SREBF2: variants seen among roughly 807,000 people sequenced by gnomAD.
SREBF2 encodes sterol regulatory element binding transcription factor 2.
Under a neutral mutation model 113.1 loss-of-function variants are expected in SREBF2, and 55 were observed. The ratio of observed to expected loss-of-function variants is 0.49; its 90% CI spans 0.39 to 0.61. The LOEUF (loss-of-function observed/expected upper bound fraction) is 0.61. SREBF2 is among the 20% of genes least tolerant of loss of function. The pLI, the probability that SREBF2 is intolerant of heterozygous loss-of-function variation, is 0.00. For synonymous variants in SREBF2, 593 were observed against 605.7 expected, an observed-to-expected ratio of 0.98 and a Z score of 0.31; for missense variants, 1,349 against 1,487.4, an observed-to-expected ratio of 0.91 and a Z score of 1.53.
At chr22:41,849,217 G>T (rs962918054) in intron 1 of SREBF2, among the ~76,000 whole-genome samples, 2 of 151,846 alleles carry the variant, frequency 1.3e-5, no homozygotes, top group Non-Finnish European at 2.9e-5. Context: ...TTTGGAGATG[G>T]GGTCTCACTG....
rs2077006364 is a variant in SREBF2, at chr22:41,859,557, T to C, written c.89-7274T>C. On this transcript the variant is annotated intron_variant, in intron 1 of 18. Coordinates refer to ENST00000361204, the MANE Select transcript of SREBF2 (RefSeq NM_004599.4). ...ATTGTTTCTGGATGTATCTGATGCATTTGAACAAATTCACATTTTCAAAGT... is the reference window on the plus strand; with the variant it reads ...ATTGTTTCTGGATGTATCTGATGCACTTGAACAAATTCACATTTTCAAAGT... Among the ~76,000 whole-genome samples, 7 of 152,252 alleles carry C rather than the reference T, an allele frequency of 4.6e-5. No homozygotes were observed. The South Asian group carries it at 1.5e-3, about 32-fold the overall frequency.
intron 1 of SREBF2, among the ~76,000 whole-genome samples, chr22:41,843,083 C>G (rs1032291029): frequency 2.0e-5 from 3 of 152,114 alleles, no homozygotes; most frequent in African/African-American, 7.2e-5. Flanking sequence ...AAGCAGTTGC[C>G]TAATGACACA....
intron 10 of SREBF2, among the ~76,000 whole-genome samples, chr22:41,884,158 CAG>C (rs1281042915): frequency 2.0e-5 from 3 of 151,950 alleles, no homozygotes; most frequent in African/African-American, 7.3e-5. Context: ...TTTTGGGGGA[CAG>C]AGTCTCGCTC....
intron 17 of SREBF2, among the ~76,000 whole-genome samples, chr22:41,903,609 T>C (rs2077482656): frequency 6.6e-6 from 1 of 152,276 alleles, no homozygotes; most frequent in African/African-American, 2.4e-5. Context: ...TGATCTGAAC[T>C]AAGTCACGGA....
In SREBF2 at chr22:41,903,186, A is replaced by AG. The variant is rs1485312218; in HGVS notation, c.3093+32dup. The AG allele has an allele frequency of 5.8e-6, 9 of 1,545,382 alleles. No individual in the cohort carries two copies. In the South Asian group the frequency reaches 9.5e-5, roughly 16 times the overall value. On this transcript the variant is annotated intron_variant, in intron 17 of 18. Coordinates refer to ENST00000361204, the MANE Select transcript of SREBF2 (RefSeq NM_004599.4). ...GCCCAGCTGGCTGGTGGGGCAGGGC[A>AG]GATTGGAGCCTGTGGGGCCTGAGCC...
At chr22:41,879,617 C>T (rs2077227374) in intron 9 of SREBF2, among the ~76,000 whole-genome samples, 5 of 152,210 alleles carry the variant, frequency 3.3e-5, no homozygotes, top group Admixed American at 2.0e-4. Context: ...AAGATAGAGG[C>T]ACCTTAGAGA....
intron 11 of SREBF2, chr22:41,886,133 T>C (rs2077297043): frequency 6.6e-6 from 1 of 152,206 alleles, no homozygotes; most frequent in South Asian, 2.1e-4. Flanking sequence ...GAGCTTGACA[T>C]TGATCTTCTC....
At chr22:41,852,165 G>C (rs959353135) in intron 1 of SREBF2, among the ~76,000 whole-genome samples, 1 of 151,842 alleles carries the variant, frequency 6.6e-6, no homozygotes, top group Non-Finnish European at 1.5e-5. Context: ...GACCTGGCCT[G>C]GGAGTGAAGG....
At chr22:41,894,757 G>T in intron 12 of SREBF2, 63 bp from the exon 13 acceptor site, 4 of 1,442,628 alleles carry the variant, frequency 2.8e-6, no homozygotes, top group East Asian at 2.3e-5. Context: ...GTTTCTCTCC[G>T]TAAAGACAAA....
intron 1 of SREBF2, 64 bp from the exon 2 acceptor site, chr22:41,866,767 T>G: frequency 6.3e-7 from 1 of 1,587,916 alleles, no homozygotes; most frequent in Non-Finnish European, 8.6e-7. Context: ...CTTAGTTTCT[T>G]AAGCAAGTTT....
intron 16 of SREBF2, among the ~76,000 whole-genome samples, chr22:41,901,443 C>A (rs1056579831): frequency 1.3e-5 from 2 of 152,166 alleles, no homozygotes; most frequent in Non-Finnish European, 2.9e-5. Context: ...GGCAGATCAC[C>A]TGAGGTCAGG....
At chr22:41,868,835 G>C (rs368708710) in intron 3 of SREBF2, 43 bp downstream of exon 3, 1 of 1,567,340 alleles carries the variant, frequency 6.4e-7, no homozygotes, top group Non-Finnish European at 8.6e-7. Context: ...GGTTGGGGCT[G>C]TTAACTGGTC....
rs755066563 is a variant in SREBF2 at position 41,870,994 on chromosome 22, G to A, written c.826G>A (p.Ala276Thr). The A allele has an allele frequency of 1.8e-5, 29 of 1,613,792 alleles. No homozygotes were observed. In the Admixed American group the frequency reaches 2.8e-4, roughly 16 times the overall value. ...MAAVQNPALTALTTPIQTAAL... is the reference protein window; with the variant it reads ...MAAVQNPALTTLTTPIQTAAL... ...TGCGGTCCAGAACCCGGCCCTCACC[G>A]CCCTCACCACCCCTATCCAGACGGC... is the stretch of plus-strand genomic sequence containing the variant. The change falls in exon 4 of 19, where the codon GCC becomes ACC. Residue 276 changes from alanine (A) to threonine (T), a missense_variant. By Grantham distance (58) the Ala-to-Thr change is moderately conservative. Transcript: ENST00000361204.
chr22:41,847,938 C>T (rs1483081152), intron 1 of SREBF2, among the ~76,000 whole-genome samples: 5 of 137,942 alleles, frequency 3.6e-5, no homozygotes, highest in African/African-American at 8.3e-5. Flanking sequence ...TTTTTTGAGA[C>T]GGAGTCTCGC....
intron 1 of SREBF2, among the ~76,000 whole-genome samples, chr22:41,865,636 G>A (rs1190000390): frequency 2.0e-5 from 3 of 152,098 alleles, no homozygotes; most frequent in South Asian, 2.1e-4. Flanking sequence ...AAAGGGAAGC[G>A]AGGTCTCCAG....
chr22:41,842,990 CAAA>C (rs1030056245), intron 1 of SREBF2, among the ~76,000 whole-genome samples: 2 of 117,440 alleles, frequency 1.7e-5, no homozygotes, highest in Non-Finnish European at 3.7e-5. Context: ...ACGTCCGTCT[CAAA>C]AAAAAAAAAA....
At chr22:41,837,900 T>G (rs2076794297) in intron 1 of SREBF2, among the ~76,000 whole-genome samples, 1 of 151,282 alleles carries the variant, frequency 6.6e-6, no homozygotes, top group Non-Finnish European at 1.5e-5. Context: ...AATACCCAGA[T>G]TTTTATATGT....
chr22:41,849,769 A>C (rs1023150679), intron 1 of SREBF2, among the ~76,000 whole-genome samples: 6 of 152,164 alleles, frequency 3.9e-5, no homozygotes, highest in African/African-American at 1.4e-4. Context: ...CCTTTTCCCC[A>C]TTCCCCTTGA....
At chr22:41,904,753 T>G in intron 17 of SREBF2, 110 bp from the exon 18 acceptor site, 1 of 853,126 alleles carries the variant, frequency 1.2e-6, no homozygotes. Flanking sequence ...CAGGGTGGTG[T>G]GGGAAGGGAT....
Sources: gnomAD v4.1 joint callset for allele counts (sites outside exome capture counted in the v4.1 genomes callset) on GRCh38, gnomAD v4.1.1 for gene constraint, MANE v1.5 for transcripts, NCBI Gene and HGNC (gene_info 2026-07-23, HGNC 2026-07-21) for gene names.